The following SLC9C1 variants were observed in gnomAD, a reference collection of about 807,000 sequenced individuals.
The protein encoded by SLC9C1 is sodium/hydrogen exchanger 10.
SLC9C1 carries 97 observed loss-of-function variants against 140.9 expected under a neutral mutation model. The observed-to-expected ratio is 0.69, with a 90% CI of 0.58 to 0.82. The LOEUF (loss-of-function observed/expected upper bound fraction) is 0.82, where lower values mean the gene tolerates loss of function less well. Among genes scored for constraint, SLC9C1 ranks in the 40% least tolerant of loss-of-function variants. The pLI is 0.00. For missense variants in SLC9C1, 1,340 were observed against 1,389.3 expected, an observed-to-expected ratio of 0.96 and a Z score of 0.56; for synonymous variants, 440 against 442.6, an observed-to-expected ratio of 0.99 and a Z score of 0.07.
At chr3:112,190,295 CA>C (rs2082186846) in intron 20 of SLC9C1, among the ~76,000 whole-genome samples, 1 of 152,166 alleles carries the variant, frequency 6.6e-6, no homozygotes, top group African/African-American at 2.4e-5. Context: ...TGAGAGAGGG[CA>C]TCCCTGTCTT....
At chr3:112,242,601 A>G (rs1252414229) in intron 11 of SLC9C1, among the ~76,000 whole-genome samples, 2 of 152,120 alleles carry the variant, frequency 1.3e-5, no homozygotes, top group African/African-American at 4.8e-5. Flanking sequence ...AATGAAAAAG[A>G]TCTGGCATTT....
intron 26 of SLC9C1, among the ~76,000 whole-genome samples, chr3:112,161,508 C>T (rs1047806333): frequency 2.6e-5 from 4 of 152,316 alleles, no homozygotes; most frequent in Non-Finnish European, 5.9e-5. Flanking sequence ...GTTTTCCCAG[C>T]ACCATTTATT....
intron 20 of SLC9C1, among the ~76,000 whole-genome samples, chr3:112,194,201 G>A (rs182033240): frequency 3.9e-5 from 6 of 152,286 alleles, no homozygotes; most frequent in Admixed American, 6.5e-5. Context: ...AAGACTGTGC[G>A]ATACTTCTGT....
At chr3:112,147,786 G>A (rs1424508140) in intron 28 of SLC9C1, among the ~76,000 whole-genome samples, 1 of 152,084 alleles carries the variant, frequency 6.6e-6, no homozygotes, top group Non-Finnish European at 1.5e-5. Flanking sequence ...ATTGTCTCTA[G>A]GTTTTTGTAT....
At chr3:112,221,332 A>T (rs1036671905) in intron 13 of SLC9C1, 107 bp from the exon 14 acceptor site, 24 of 894,070 alleles carry the variant, frequency 2.7e-5, no homozygotes, top group Non-Finnish European at 3.9e-5. Context: ...CAATCAATCT[A>T]GTCTGTTTGT....
In SLC9C1 at chr3:112,204,345, A is replaced by G. The variant is rs752185520; in HGVS notation, c.2045T>C (p.Ile682Thr). The G allele has an allele frequency of 2.5e-6, 4 of 1,575,028 alleles. No homozygotes were observed. Among genetic ancestry groups the G allele is most frequent in the Non-Finnish European group, 3.4e-6 (4 of 1,166,620 alleles). The change falls in exon 17 of 29, where the codon ATT becomes ACT. Residue 682 changes from isoleucine (I) to threonine (T), a missense_variant. Physicochemically the swap from Ile to Thr is moderately conservative, Grantham distance 89. Coordinates refer to ENST00000305815, the MANE Select transcript of SLC9C1 (RefSeq NM_183061.3). ...SHAWNIFELA[I>T]TLIGILHVIL... is the part of the protein sequence containing the mutation. ...TACATGTAAGATGCCAATTAATGTAATTGCTAACTCGAATATGTTCCAGGC... is the reference window on the plus strand; with the variant it reads ...TACATGTAAGATGCCAATTAATGTAGTTGCTAACTCGAATATGTTCCAGGC...
intron 15 of SLC9C1, among the ~76,000 whole-genome samples, chr3:112,217,106 C>T (rs556103332): frequency 2.9e-4 from 44 of 152,052 alleles, no homozygotes; most frequent in African/African-American, 1.0e-3. Context: ...ATTGCAAGGA[C>T]GAAAAACCAA....
Position 112,263,051 on chromosome 3 carries a change from T to A in SLC9C1, c.1070A>T (p.His357Leu). 1 of 1,598,380 alleles carries A rather than the reference T, an allele frequency of 6.3e-7. No homozygotes were observed. Among genetic ancestry groups the A allele is most frequent in the Non-Finnish European group, 8.5e-7 (1 of 1,173,832 alleles). ...GAATATCCAGCGCCAACTGAACTCATGACCAACTCGAGACAAAACAGGGCT... is the reference window on the plus strand; with the variant it reads ...GAATATCCAGCGCCAACTGAACTCAAGACCAACTCGAGACAAAACAGGGCT... The part of the protein sequence containing the change: ...LISPVLSRVG[H>L]EFSWRWIFIM... Residue 357 changes from histidine (H) to leucine (L), a missense_variant, in exon 10 of 29, where the codon CAT becomes CTT. His to Leu is a moderately conservative substitution (Grantham distance 99). Transcript: ENST00000305815.
intron 13 of SLC9C1, among the ~76,000 whole-genome samples, chr3:112,229,811 A>G (rs1175997996): frequency 6.6e-6 from 1 of 152,156 alleles, no homozygotes; most frequent in Non-Finnish European, 1.5e-5. Flanking sequence ...GTGAGCAATG[A>G]GAAGGATCAA....
chr3:112,284,806 A>G (rs1485957607), intron 2 of SLC9C1, among the ~76,000 whole-genome samples: 2 of 152,162 alleles, frequency 1.3e-5, no homozygotes, highest in African/African-American at 2.4e-5. Flanking sequence ...GAACACTAGT[A>G]AGTTATATGG....
chr3:112,185,304 A>G (rs980253274), intron 20 of SLC9C1, among the ~76,000 whole-genome samples: 12 of 149,762 alleles, frequency 8.0e-5, no homozygotes, highest in African/African-American at 3.0e-4. Flanking sequence ...CCACATATAT[A>G]AATCCTTAGG....
chr3:112,283,501 T>A (rs60821784), intron 2 of SLC9C1, among the ~76,000 whole-genome samples: 89,178 of 148,622 alleles, frequency 0.6, 27,202 homozygotes, highest in East Asian at 0.79. Flanking sequence ...AAAAAGAATG[T>A]CTTTGTTCTA....
intron 20 of SLC9C1, among the ~76,000 whole-genome samples, chr3:112,191,962 A>C (rs1478854126): frequency 6.6e-6 from 1 of 151,670 alleles, no homozygotes; most frequent in African/African-American, 2.4e-5. Context: ...TATTTCCTTG[A>C]ATTTTTTTAT....
intron 20 of SLC9C1, among the ~76,000 whole-genome samples, chr3:112,183,344 C>CTTTTTTTTTTTTTTTTTTTT (rs1159788975): frequency 1.7e-3 from 35 of 20,944 alleles, no homozygotes; most frequent in South Asian, 2.1e-3. Flanking sequence ...TATTTAGCAC[C>CTTTTTTTTTTTTTTTTTTTT]TTTTCTTTTT....
intron 23 of SLC9C1, among the ~76,000 whole-genome samples, chr3:112,170,104 C>A (rs1000348165): frequency 1.3e-5 from 2 of 152,016 alleles, no homozygotes. Flanking sequence ...TGACTAAAAC[C>A]TCAAAAGCAC....
Position 112,195,744 on chromosome 3 carries a change from A to G in SLC9C1, c.2523+3577T>C, listed in dbSNP as rs539526094. On this transcript the variant is annotated intron_variant, in intron 20 of 28. Coordinates refer to ENST00000305815, the MANE Select transcript of SLC9C1 (RefSeq NM_183061.3). ...ATTCAAAAACTCTATTCCTTTAACAACAGTTCCATCCCCATCTCCTTCCAG... is the reference window on the plus strand; with the variant it reads ...ATTCAAAAACTCTATTCCTTTAACAGCAGTTCCATCCCCATCTCCTTCCAG... Among the ~76,000 whole-genome samples the G allele has an allele frequency of 6.6e-5, 10 of 152,228 alleles. No individual in the cohort carries two copies. In the South Asian group the frequency reaches 1.4e-3, roughly 22 times the overall value.
chr3:112,157,985 C>T (rs1331383771), intron 26 of SLC9C1, among the ~76,000 whole-genome samples: 1 of 151,924 alleles, frequency 6.6e-6, no homozygotes, highest in Admixed American at 6.6e-5. Context: ...TGACTTCTTC[C>T]TTTCCAAGTT....
rs557750888 is a variant in SLC9C1 at position 112,180,052 on chromosome 3, G to T, written c.2749-351C>A. ...AAAGTTTCCTGTTATCTGTGAGAAA[G>T]TATGGCTTTAAAATGATGGATAGTG... On this transcript the variant is annotated intron_variant, in intron 22 of 28. Transcript: ENST00000305815. 2.0e-5 allele frequency among the ~76,000 whole-genome samples: 3 copies of T among 152,306 alleles called. No individual in the cohort carries two copies. The East Asian group carries it at 5.8e-4, about 29-fold the overall frequency.
chr3:112,218,555 A>G (rs2078452320), intron 14 of SLC9C1, among the ~76,000 whole-genome samples: 1 of 152,248 alleles, frequency 6.6e-6, no homozygotes, highest in African/African-American at 2.4e-5. Flanking sequence ...TTGAATATGT[A>G]TATGACTTGA....
Sources: allele counts gnomAD v4.1 joint callset (sites outside exome capture counted in the v4.1 genomes callset), GRCh38; gene constraint gnomAD v4.1.1; transcripts MANE v1.5; gene names NCBI Gene and HGNC (gene_info 2026-07-23, HGNC 2026-07-21).